PFDN1: variants seen among roughly 807,000 people sequenced by gnomAD.
PFDN1 encodes the protein prefoldin subunit 1, also known as prefoldin 1.
PFDN1 carries 6 observed loss-of-function variants against 17.3 expected under a neutral mutation model. That is an observed-to-expected ratio of 0.35 (90% CI 0.19 to 0.69). PFDN1 has a LOEUF of 0.69. PFDN1 is among the 30% of genes least tolerant of loss of function. The pLI is 0.65. For missense variants in PFDN1, 113 were observed against 146.2 expected (o/e 0.77, Z 1.17); for synonymous variants, 58 against 50.1 (o/e 1.16, Z -0.67).
Position 140,297,957 on chromosome 5 carries a change from A to T in PFDN1, c.200+2459T>A, listed in dbSNP as rs1765678020. Among the ~76,000 whole-genome samples, 10 of 152,346 alleles carry T rather than the reference A, an allele frequency of 6.6e-5. No homozygotes were observed. In the South Asian group the frequency reaches 2.1e-3, roughly 32 times the overall value. Reference sequence around the variant, plus strand: ...AGTACAACATGTTAATAAAGCTGGCATTACTGTTTTAAGACCTAAGGATAT... The same window carrying T: ...AGTACAACATGTTAATAAAGCTGGCTTTACTGTTTTAAGACCTAAGGATAT... On this transcript the variant is annotated intron_variant, in intron 2 of 3. Transcript: ENST00000261813.
chr5:140,269,319 C>CT lies in PFDN1; in HGVS notation c.285+12129dup, dbSNP rs755675601. Among the ~76,000 whole-genome samples the CT allele has an allele frequency of 8.5e-3, 1,182 of 139,460 alleles. 10 individuals carry two copies. The highest frequency in any genetic ancestry group is 0.023 in the African/African-American group (889 of 38,284). 91.5% of individuals were successfully genotyped at this position (139,460 alleles called of 152,430 possible). ...TGAGCCACAGCACCCAGCCTTATAACTTTTTTTTTTTTTTTTGAGATGGAG... is the reference window on the plus strand; with the variant it reads ...TGAGCCACAGCACCCAGCCTTATAACTTTTTTTTTTTTTTTTTGAGATGGAG... On this transcript the variant is annotated intron_variant, in intron 3 of 3. Transcript: ENST00000261813.
At chr5:140,257,636 G>A (rs1765006864) in intron 3 of PFDN1, among the ~76,000 whole-genome samples, 2 of 152,144 alleles carry the variant, frequency 1.3e-5, no homozygotes, top group South Asian at 4.1e-4. Context: ...CTGTATCTCA[G>A]TGTAAGCTCC....
At chr5:140,283,358 G>A (rs970002309) in intron 2 of PFDN1, among the ~76,000 whole-genome samples, 13 of 152,036 alleles carry the variant, frequency 8.6e-5, no homozygotes, top group Admixed American at 2.0e-4. Context: ...TCAGCCTCCC[G>A]AGTAGCTGGG....
chr5:140,249,058 A>G (rs1411408308), intron 3 of PFDN1, among the ~76,000 whole-genome samples: 2 of 152,242 alleles, frequency 1.3e-5, no homozygotes, highest in African/African-American at 4.8e-5. Flanking sequence ...GGACCTTTCT[A>G]ACTGTATTTC....
chr5:140,294,207 T>G lies in PFDN1; in HGVS notation c.200+6209A>C, dbSNP rs560344468. ...TCACACATTATTTTTTCCCCTGTAG[T>G]ATGCACTAAATAAAATATCCAAATT... On this transcript the variant is annotated intron_variant, in intron 2 of 3. Coordinates refer to ENST00000261813, the MANE Select transcript of PFDN1 (RefSeq NM_002622.5). Among the ~76,000 whole-genome samples, 296 of 152,216 alleles carry G rather than the reference T, an allele frequency of 1.9e-3. 1 individual carries two copies. The highest frequency in any genetic ancestry group is 2.4e-3 in the Non-Finnish European group (162 of 67,942).
chr5:140,287,484 T>C (rs893175476), intron 2 of PFDN1, among the ~76,000 whole-genome samples: 1 of 152,122 alleles, frequency 6.6e-6, no homozygotes, highest in Non-Finnish European at 1.5e-5. Context: ...AGTGACCAGA[T>C]ATAGATTTCT....
rs5871731 is a variant in PFDN1, at chr5:140,280,014, C to CAAAAAAAAAAAAAAAAA, written c.285+1434_285+1435insTTTTTTTTTTTTTTTTT. 7.4e-4 allele frequency among the ~76,000 whole-genome samples: 73 copies of CAAAAAAAAAAAAAAAAA among 99,078 alleles called. 1 individual carries two copies. The highest frequency in any genetic ancestry group is 2.5e-3 in the African/African-American group (50 of 19,906). 65.0% of individuals were successfully genotyped at this position (99,078 alleles called of 152,430 possible). ...CCGTCTCAAAAAAAAAAAAAAAAAA[C>CAAAAAAAAAAAAAAAAA]AAAAAAAGAAAAGAAAAGAAAAGAA... On this transcript the variant is annotated intron_variant, in intron 3 of 3. Coordinates refer to ENST00000261813, the MANE Select transcript of PFDN1 (RefSeq NM_002622.5).
intron 3 of PFDN1, among the ~76,000 whole-genome samples, chr5:140,260,894 G>A (rs1034283881): frequency 2.0e-5 from 3 of 151,976 alleles, no homozygotes; most frequent in Non-Finnish European, 2.9e-5. Flanking sequence ...GGGCACAATG[G>A]CTCATGCCTG....
chr5:140,294,557 T>C (rs188446246), intron 2 of PFDN1, among the ~76,000 whole-genome samples: 7 of 152,182 alleles, frequency 4.6e-5, no homozygotes, highest in African/African-American at 1.4e-4. Flanking sequence ...ATTCAAATTA[T>C]AGGTCAACAT....
rs1424796362 is a variant in PFDN1, at chr5:140,254,552, C to T, written c.286-8495G>A. ...TGTCTCCCTCTCCACCACAGCTGTA[C>T]CATTCAAGGTGACTTCAACAAGAAT... On this transcript the variant is annotated intron_variant, in intron 3 of 3. Coordinates refer to ENST00000261813, the MANE Select transcript of PFDN1 (RefSeq NM_002622.5). The surrounding 1 kb of genome is among the most constrained non-coding windows in gnomAD (Gnocchi z 4.4). Among the ~76,000 whole-genome samples, 3 of 152,154 alleles carry T rather than the reference C, an allele frequency of 2.0e-5. No individual in the cohort carries two copies. Among genetic ancestry groups the T allele is most frequent in the Admixed American group, 1.3e-4 (2 of 15,284 alleles).
chr5:140,291,308 G>A (rs561769169), intron 2 of PFDN1, among the ~76,000 whole-genome samples: 3 of 152,136 alleles, frequency 2.0e-5, no homozygotes, highest in Non-Finnish European at 4.4e-5. Context: ...TTCAGATTCT[G>A]AACAAAATTT....
chr5:140,272,997 G>A (rs929340189), intron 3 of PFDN1, among the ~76,000 whole-genome samples: 1 of 152,064 alleles, frequency 6.6e-6, no homozygotes, highest in Non-Finnish European at 1.5e-5. Flanking sequence ...TCTATCATTG[G>A]CTCTGCTATC....
chr5:140,271,192 T>C (rs1275790183), intron 3 of PFDN1, among the ~76,000 whole-genome samples: 2 of 152,196 alleles, frequency 1.3e-5, no homozygotes, highest in African/African-American at 4.8e-5. Context: ...TGCAGCTACA[T>C]TAAGCCCTAA....
intron 3 of PFDN1, among the ~76,000 whole-genome samples, chr5:140,280,540 A>G (rs1440733693): frequency 6.6e-6 from 1 of 152,246 alleles, no homozygotes; most frequent in Non-Finnish European, 1.5e-5. Flanking sequence ...TAAGTAACCT[A>G]AGATACTGCA....
chr5:140,271,942 C>T (rs1388027084), intron 3 of PFDN1, among the ~76,000 whole-genome samples: 1 of 148,526 alleles, frequency 6.7e-6, no homozygotes. Flanking sequence ...ACATAAAATA[C>T]ATATATACAT....
chr5:140,302,150 G>T (rs956617033), intron 1 of PFDN1, among the ~76,000 whole-genome samples: 1 of 152,224 alleles, frequency 6.6e-6, no homozygotes, highest in African/African-American at 2.4e-5. Flanking sequence ...GGTCAAAAAA[G>T]TGTGAGATAA....
rs1474971466 is a variant in PFDN1, at chr5:140,254,461, T to TC, written c.286-8405dup. On this transcript the variant is annotated intron_variant, in intron 3 of 3. Transcript: ENST00000261813. This position sits in a 1 kb window ranked among gnomAD's most constrained non-coding sequence, Gnocchi z 4.4. ...ATGGCATCATGCTTAGCCACCGGAC[T>TC]CCCCCCTCCTTGTTGCTTCAATCTT... Among the ~76,000 whole-genome samples the TC allele has an allele frequency of 1.3e-5, 2 of 152,042 alleles. No individual in the cohort carries two copies. Among genetic ancestry groups the TC allele is most frequent in the Non-Finnish European group, 2.9e-5 (2 of 68,008 alleles).
intron 3 of PFDN1, among the ~76,000 whole-genome samples, chr5:140,274,883 C>T (rs1484600099): frequency 1.3e-5 from 2 of 150,804 alleles, no homozygotes; most frequent in Non-Finnish European, 2.9e-5. Flanking sequence ...ATCCCAGCTA[C>T]TTGGGAGGCT....
chr5:140,286,907 C>T (rs529209586), intron 2 of PFDN1, among the ~76,000 whole-genome samples: 35 of 152,128 alleles, frequency 2.3e-4, no homozygotes, highest in African/African-American at 8.4e-4. Context: ...CCATGCCCGG[C>T]CAAAGTTTTC....
Sources: allele counts gnomAD v4.1 joint callset (sites outside exome capture counted in the v4.1 genomes callset), GRCh38; gene constraint gnomAD v4.1.1; non-coding constraint Gnocchi (gnomAD v3.1); transcripts MANE v1.5; gene names NCBI Gene and HGNC (gene_info 2026-07-23, HGNC 2026-07-21).